The following MYO16 variants were observed in gnomAD, a reference collection of about 807,000 sequenced individuals.
The protein encoded by MYO16 is myosin XVI.
MYO16 carries 94 observed loss-of-function variants against 205.3 expected under a neutral mutation model. The observed-to-expected ratio is 0.46, with a 90% CI of 0.39 to 0.54. The LOEUF (loss-of-function observed/expected upper bound fraction) is 0.54, where lower values mean the gene tolerates loss of function less well. Among genes scored for constraint, MYO16 ranks in the 20% least tolerant of loss-of-function variants. The pLI is 0.00. For synonymous variants in MYO16, 988 were observed against 954.0 expected (o/e 1.04, Z -0.66); for missense variants, 2,315 against 2,387.5 (o/e 0.97, Z 0.63).
At chr13:108,629,198 T>C (rs1879862393), upstream of MYO16, 1 of 152,224 alleles carries the variant, frequency 6.6e-6, no homozygotes, top group Non-Finnish European at 1.5e-5. Flanking sequence ...TTTTGAAATA[T>C]AATGCAAGTT....
At chr13:109,109,235 G>A (rs1422382553) in intron 28 of MYO16, among the ~76,000 whole-genome samples, 9 of 152,066 alleles carry the variant, frequency 5.9e-5, no homozygotes, top group Non-Finnish European at 1.2e-4. Context: ...AGCATTTACT[G>A]AGCACGTATT....
At chr13:109,097,816 C>T (rs1229206818) in intron 27 of MYO16, among the ~76,000 whole-genome samples, 1 of 152,174 alleles carries the variant, frequency 6.6e-6, no homozygotes, top group East Asian at 1.9e-4. Flanking sequence ...AAAAATCCAT[C>T]TATGAGAAGA....
chr13:108,655,431 G>A (rs1881198769), intron 1 of MYO16, among the ~76,000 whole-genome samples: 1 of 152,230 alleles, frequency 6.6e-6, no homozygotes, highest in Non-Finnish European at 1.5e-5. Flanking sequence ...TTGAGAAGAT[G>A]TATGGAAATG....
chr13:108,581,524 T>C, the MYO16 span, among the ~76,000 whole-genome samples: 543 of 152,198 alleles, frequency 3.6e-3, 3 homozygotes, highest in Admixed American at 5.7e-3. Flanking sequence ...TTTCTCTTCA[T>C]TGTGGTTCCA....
intron 7 of MYO16, among the ~76,000 whole-genome samples, chr13:108,819,479 G>A (rs1875844848): frequency 6.6e-6 from 1 of 151,938 alleles, no homozygotes; most frequent in African/African-American, 2.4e-5. Context: ...ATGGTTAGCC[G>A]AAAAGTCACG....
At chr13:109,081,272 T>C (rs1208269629) in intron 27 of MYO16, among the ~76,000 whole-genome samples, 1 of 152,220 alleles carries the variant, frequency 6.6e-6, no homozygotes, top group African/African-American at 2.4e-5. Flanking sequence ...AGTAAAATAC[T>C]GCATGGTGCC....
intron 2 of MYO16, among the ~76,000 whole-genome samples, chr13:108,692,658 C>G (rs1882943434): frequency 6.6e-6 from 1 of 152,170 alleles, no homozygotes; most frequent in Non-Finnish European, 1.5e-5. Flanking sequence ...GCATATCTTT[C>G]TACATGAGCT....
chr13:108,518,694 C>T, the MYO16 span, among the ~76,000 whole-genome samples: 4,968 of 151,998 alleles, frequency 0.033, 249 homozygotes, highest in African/African-American at 0.11. Context: ...GTCAAAACAA[C>T]GGAAAAAGTA....
At chr13:108,669,780 G>A (rs959594549) in intron 2 of MYO16, among the ~76,000 whole-genome samples, 5 of 152,198 alleles carry the variant, frequency 3.3e-5, no homozygotes, top group Admixed American at 1.3e-4. Flanking sequence ...GCAGGGACAT[G>A]GATAAAGCTG....
chr13:108,779,394 T>C (rs927708173), intron 4 of MYO16: 2 of 152,196 alleles, frequency 1.3e-5, no homozygotes, highest in African/African-American at 2.4e-5. Flanking sequence ...AACTGAAGAA[T>C]GCAGGAATAG....
the MYO16 span, among the ~76,000 whole-genome samples, chr13:108,559,470 CT>C: frequency 0.23 from 19,995 of 87,850 alleles, 835 homozygotes; most frequent in Non-Finnish European, 0.3. Context: ...TTTTTCTTTT[CT>C]TTTTTTTTTT....
At chr13:109,159,230 A>G (rs551596866) in intron 32 of MYO16, among the ~76,000 whole-genome samples, 1 of 152,226 alleles carries the variant, frequency 6.6e-6, no homozygotes, top group African/African-American at 2.4e-5. Flanking sequence ...ATGCAATGAG[A>G]TATTTTCCTT....
intron 14 of MYO16, 112 bp downstream of exon 14, chr13:108,888,589 G>A: frequency 3.8e-6 from 2 of 528,684 alleles, no homozygotes; most frequent in South Asian, 5.5e-5. Flanking sequence ...CAAAATTTGT[G>A]GAAATAAAGA....
chr13:108,723,008 T>A (rs1884218561), intron 3 of MYO16, among the ~76,000 whole-genome samples: 2 of 152,180 alleles, frequency 1.3e-5, no homozygotes, highest in African/African-American at 4.8e-5. Context: ...TGTCTGCTAA[T>A]ACATTCCTCC....
the MYO16 span, among the ~76,000 whole-genome samples, chr13:108,496,543 A>C: frequency 6.6e-6 from 1 of 151,868 alleles, no homozygotes; most frequent in Non-Finnish European, 1.5e-5. Context: ...GACCAGTCTC[A>C]CCCGGGGGGC....
the MYO16 span, among the ~76,000 whole-genome samples, chr13:108,519,649 C>CACACACACACACACACACACACA: frequency 3.4e-5 from 4 of 118,592 alleles, no homozygotes; most frequent in African/African-American, 1.1e-4. Context: ...ACACACACAC[C>CACACACACACACACACACACACA]CACACACACA....
In MYO16 at chr13:109,184,811, C is replaced by T. The variant is rs554043914; in HGVS notation, c.5415+5178C>T. The stretch of plus-strand genomic sequence containing the variant: ...ATGGATGGAGCCTCACTCTGTTGCC[C>T]GGGCTGGAGTGCAGTGGCACAATCT... On this transcript the variant is annotated intron_variant, in intron 34 of 34. Transcript: ENST00000457511. 7.2e-5 allele frequency among the ~76,000 whole-genome samples: 11 copies of T among 152,156 alleles called. No homozygotes were observed. In the East Asian group the frequency reaches 1.7e-3, roughly 24 times the overall value.
At chr13:108,675,736 G>A (rs141152571) in intron 2 of MYO16, among the ~76,000 whole-genome samples, 106 of 152,294 alleles carry the variant, frequency 7.0e-4, no homozygotes, top group African/African-American at 2.3e-3. Flanking sequence ...AATCAATAGC[G>A]TGAGAGCAGC....
intron 7 of MYO16, among the ~76,000 whole-genome samples, chr13:108,811,868 C>T (rs1358701706): frequency 2.0e-5 from 3 of 152,164 alleles, no homozygotes; most frequent in South Asian, 2.1e-4. Flanking sequence ...GACGAGGCTA[C>T]AGTAATCATT....
Sources: gnomAD v4.1 joint callset for allele counts (sites outside exome capture counted in the v4.1 genomes callset) on GRCh38, gnomAD v4.1.1 for gene constraint, MANE v1.5 for transcripts, NCBI Gene and HGNC (gene_info 2026-07-23, HGNC 2026-07-21) for gene names.